The following LCK variants were observed in gnomAD, a reference collection of about 807,000 sequenced individuals.
LCK encodes the protein tyrosine-protein kinase Lck.
A neutral mutation model predicts 64.6 loss-of-function variants in LCK; 14 were observed. The observed-to-expected ratio is 0.22, with a 90% CI of 0.14 to 0.34. The LOEUF is 0.34. Ranked by LOEUF, LCK falls within the 10% of genes least tolerant of loss-of-function variation. The pLI, the probability that LCK is intolerant of heterozygous loss-of-function variation, is 1.00. For missense variants in LCK, 434 were observed against 668.1 expected, an observed-to-expected ratio of 0.65 and a Z score of 3.86; for synonymous variants, 277 against 263.6, an observed-to-expected ratio of 1.05 and a Z score of -0.49.
intron 1 of LCK, among the ~76,000 whole-genome samples, chr1:32,266,530 C>T (rs958594882): frequency 6.6e-6 from 1 of 150,648 alleles, no homozygotes; most frequent in Non-Finnish European, 1.5e-5. Flanking sequence ...GAGAGATCCT[C>T]CTGCCTCAGC....
intron 1 of LCK, among the ~76,000 whole-genome samples, chr1:32,261,572 G>A (rs2124316960): frequency 6.6e-6 from 1 of 150,624 alleles, no homozygotes; most frequent in African/African-American, 2.4e-5. Flanking sequence ...CTTGAACCTG[G>A]GAGTTGGAGG....
At chr1:32,281,049 C>G (rs1043532586) in intron 12 of LCK, among the ~76,000 whole-genome samples, 3 of 151,768 alleles carry the variant, frequency 2.0e-5, no homozygotes, top group African/African-American at 7.3e-5. Flanking sequence ...CGAGACCAGC[C>G]TGGGAAACTG....
rs1297065247 is a variant in LCK, at chr1:32,259,222, C to A, written c.-6+7851C>A. 2.7e-5 allele frequency among the ~76,000 whole-genome samples: 4 copies of A among 147,524 alleles called. No homozygotes were observed. In the East Asian group the frequency reaches 7.9e-4, roughly 29 times the overall value. On this transcript the variant is annotated intron_variant, in intron 1 of 12. Coordinates refer to ENST00000336890, the MANE Select transcript of LCK (RefSeq NM_005356.5). ...GACTAGCCTGAGCAACATGGCAAAA[C>A]CCTGTCTCTACAAAAATTAAAAAAA...
rs200997172 is a variant in LCK at position 32,273,334 on chromosome 1, TA to T, written c.-5-990del. Among the ~76,000 whole-genome samples, 956 of 142,360 alleles carry T rather than the reference TA, an allele frequency of 6.7e-3. 10 individuals are homozygous for T. The highest frequency in any genetic ancestry group is 0.023 in the African/African-American group (891 of 38,150). 93.4% of individuals were successfully genotyped at this position (142,360 alleles called of 152,430 possible). A position where few individuals can be genotyped will look rare whatever the true frequency, so the allele number is the denominator to read the frequency against. On this transcript the variant is annotated intron_variant, in intron 1 of 12. Transcript: ENST00000336890. The stretch of plus-strand genomic sequence containing the variant: ...TGTGGATGCCTCTGTGGAGGTGGGA[TA>T]GGGGGTGCCTCTGTGTGTGTGTGTG...
intron 1 of LCK, among the ~76,000 whole-genome samples, chr1:32,271,055 C>A (rs1008798396): frequency 4.2e-5 from 6 of 143,814 alleles, no homozygotes; most frequent in Non-Finnish European, 9.0e-5. Flanking sequence ...GGCTGGAGTG[C>A]AGTGGCACAA....
At chr1:32,267,632 A>C (rs2124332832) in intron 1 of LCK, among the ~76,000 whole-genome samples, 1 of 152,268 alleles carries the variant, frequency 6.6e-6, no homozygotes, top group African/African-American at 2.4e-5. Flanking sequence ...ATGGTGGCTC[A>C]TGCCTGTAAT....
intron 9 of LCK, among the ~76,000 whole-genome samples, chr1:32,278,301 G>GCTGTTCAT (rs1414677779): frequency 1.3e-5 from 2 of 152,168 alleles, no homozygotes; most frequent in African/African-American, 4.8e-5. Flanking sequence ...AGAGAAACAA[G>GCTGTTCAT]CTGTTCATTG....
chr1:32,262,606 T>C (rs1192747007), intron 1 of LCK, among the ~76,000 whole-genome samples: 1 of 151,170 alleles, frequency 6.6e-6, no homozygotes, highest in African/African-American at 2.4e-5. Context: ...GTATTTTTAG[T>C]AGAGACGGGG....
intron 1 of LCK, among the ~76,000 whole-genome samples, chr1:32,268,203 A>T (rs942546295): frequency 6.6e-6 from 1 of 152,140 alleles, no homozygotes; most frequent in African/African-American, 2.4e-5. Context: ...CAAAAAAAAT[A>T]AAAAAGAAAA....
intron 1 of LCK, among the ~76,000 whole-genome samples, chr1:32,259,235 A>G (rs1639703221): frequency 6.7e-6 from 1 of 149,548 alleles, no homozygotes; most frequent in Non-Finnish European, 1.5e-5. Context: ...TGTCTCTACA[A>G]AAATTAAAAA....
At chr1:32,267,618 G>A (rs369235739) in intron 1 of LCK, among the ~76,000 whole-genome samples, 26 of 152,110 alleles carry the variant, frequency 1.7e-4, no homozygotes, top group African/African-American at 5.6e-4. Flanking sequence ...AAATTAGGCC[G>A]GGCATGGTGG....
intron 1 of LCK, among the ~76,000 whole-genome samples, chr1:32,257,589 T>C (rs1427604140): frequency 6.6e-6 from 1 of 152,010 alleles, no homozygotes; most frequent in East Asian, 1.9e-4. Flanking sequence ...AGAACCTGGA[T>C]TGAATTTGGG....
intron 1 of LCK, among the ~76,000 whole-genome samples, chr1:32,265,420 C>T (rs139672850): frequency 3.3e-5 from 5 of 152,216 alleles, no homozygotes; most frequent in South Asian, 2.1e-4. Flanking sequence ...TATGGACTTA[C>T]GATTGCTGCC....
Position 32,275,057 on chromosome 1 carries a change from G to T in LCK, c.252G>T (p.Lys84Asn), listed in dbSNP as rs1444115742. 7.4e-6 allele frequency: 12 copies of T among 1,613,734 alleles called. No individual in the cohort carries two copies. The highest frequency in any genetic ancestry group is 1.3e-5 in the African/African-American group (1 of 74,942). ...PSHDGDLGFE[K>N]GEQLRILEQS... ...ACGACGGAGATCTGGGCTTTGAGAAGGGGGAACAGCTCCGCATCCTGGAGC... is the reference window on the plus strand; with the variant it reads ...ACGACGGAGATCTGGGCTTTGAGAATGGGGAACAGCTCCGCATCCTGGAGC... The change falls in exon 4 of 13, where the codon AAG becomes AAT. Residue 84 changes from lysine (K) to asparagine (N), a missense_variant. By Grantham distance (94) the Lys-to-Asn change is moderately conservative (BLOSUM62 0). Transcript: ENST00000336890. This position sits in a 1 kb window ranked among gnomAD's most constrained non-coding sequence, Gnocchi z 6.9.
intron 12 of LCK, among the ~76,000 whole-genome samples, chr1:32,282,281 C>T (rs1640484408): frequency 6.6e-6 from 1 of 152,052 alleles, no homozygotes; most frequent in Non-Finnish European, 1.5e-5. Flanking sequence ...AGAAAATAGG[C>T]AGTGAAAGCA....
rs774750034 is a variant in LCK at position 32,275,599 on chromosome 1, C to T, written c.408C>T (p.Asp136=). Residue 136 remains aspartate (D), a synonymous_variant, in exon 6 of 13, where the codon GAC becomes GAT. Coordinates refer to ENST00000336890, the MANE Select transcript of LCK (RefSeq NM_005356.5). The surrounding 1 kb of genome is among the most constrained non-coding windows in gnomAD (Gnocchi z 6.9). ...PWFFKNLSRK[D]AERQLLAPGN... ...TCTTCAAGAACCTGAGCCGCAAGGA[C>T]GCGGAGCGGCAGCTCCTGGCGCCCG... 7.5e-5 allele frequency: 118 copies of T among 1,573,728 alleles called. No individual in the cohort carries two copies. The South Asian group carries it at 9.2e-4, about 12-fold the overall frequency.
chr1:32,261,413 C>T (rs1017001528), intron 1 of LCK, among the ~76,000 whole-genome samples: 2 of 151,478 alleles, frequency 1.3e-5, no homozygotes, highest in Non-Finnish European at 1.5e-5. Flanking sequence ...TTTGGGAGGC[C>T]GAGGTGGGCG....
intron 1 of LCK, among the ~76,000 whole-genome samples, chr1:32,272,530 G>A (rs548189905): frequency 6.6e-6 from 1 of 151,062 alleles, no homozygotes; most frequent in East Asian, 1.9e-4. Flanking sequence ...AGGGGATTGC[G>A]CCACTGCACT....
chr1:32,266,956 T>C (rs1639942093), intron 1 of LCK, among the ~76,000 whole-genome samples: 1 of 149,950 alleles, frequency 6.7e-6, no homozygotes. Flanking sequence ...ATGTCAAGCC[T>C]GGCAGGGACC....
Sources: gnomAD v4.1 joint callset for allele counts (sites outside exome capture counted in the v4.1 genomes callset) on GRCh38, gnomAD v4.1.1 for gene constraint, Gnocchi (gnomAD v3.1) non-coding constraint, MANE v1.5 for transcripts, NCBI Gene and HGNC (gene_info 2026-07-23, HGNC 2026-07-21) for gene names.